The following CRYZ variants were observed in gnomAD, a reference collection of about 807,000 sequenced individuals.
CRYZ encodes crystallin zeta, also known as zeta-crystallin.
In CRYZ, 35 loss-of-function variants were observed where a neutral mutation model predicts 34.1. That is an observed-to-expected ratio of 1.03 (90% CI 0.78 to 1.36). The LOEUF (loss-of-function observed/expected upper bound fraction) is 1.36, where lower values mean the gene tolerates loss of function less well. Ranked by LOEUF, CRYZ falls within the 40% of genes most tolerant of loss-of-function variation. The pLI is 0.00. For synonymous variants in CRYZ, 137 were observed against 136.5 expected, an observed-to-expected ratio of 1.00 and a Z score of -0.03; for missense variants, 403 against 391.8, an observed-to-expected ratio of 1.03 and a Z score of -0.24.
chr1:74,715,891 T>G (rs2100706332), intron 4 of CRYZ, among the ~76,000 whole-genome samples: 1 of 151,046 alleles, frequency 6.6e-6, no homozygotes, highest in East Asian at 1.9e-4. Context: ...CCAACATTAC[T>G]CTGTTACAGA....
intron 3 of CRYZ, among the ~76,000 whole-genome samples, chr1:74,719,828 A>G: frequency 6.6e-6 from 1 of 152,228 alleles, no homozygotes; most frequent in East Asian, 1.9e-4. Context: ...ATTTAAAAAT[A>G]TTTATTAATG....
intron 1 of CRYZ, among the ~76,000 whole-genome samples, chr1:74,730,601 A>T (rs1010449201): frequency 1.3e-5 from 2 of 152,240 alleles, no homozygotes; most frequent in Non-Finnish European, 2.9e-5. Flanking sequence ...ATGCAGAAGT[A>T]AAAATAAAAT....
chr1:74,727,762 G>T (rs115495683), intron 1 of CRYZ, among the ~76,000 whole-genome samples: 1,550 of 151,862 alleles, frequency 0.01, 39 homozygotes, highest in African/African-American at 0.035. Context: ...CCCATGACAC[G>T]TGGGAATTAT....
At chr1:74,732,332 C>A (rs1171024054) in intron 1 of CRYZ, among the ~76,000 whole-genome samples, 1 of 142,468 alleles carries the variant, frequency 7.0e-6, no homozygotes, top group Non-Finnish European at 1.5e-5. Context: ...TAGGAGAAAT[C>A]CCCTACAGCT....
At chr1:74,724,202 T>C (rs1035007096) in intron 2 of CRYZ, among the ~76,000 whole-genome samples, 11 of 152,190 alleles carry the variant, frequency 7.2e-5, no homozygotes, top group African/African-American at 9.6e-5. Context: ...AAGACTCTCA[T>C]AGGCTTGCTA....
Position 74,710,121 on chromosome 1 carries a change from CT to C in CRYZ, c.606del (p.Val203Ter). 1 of 1,613,410 alleles carries C rather than the reference CT, an allele frequency of 6.2e-7. No homozygotes were observed. Among genetic ancestry groups the C allele is most frequent in the Non-Finnish European group, 8.5e-7 (1 of 1,179,582 alleles). ...NGAHEVFNHREVNYIDKIKKY... is the reference protein window; with the variant it reads ...NGAHEVFNHRXVNYIDKIKKY... ...ACCTTAATTTTATCAATGTAATTCACTTCTCTGTGATTGAACACTTCATGGG... is the reference window on the plus strand; with the variant it reads ...ACCTTAATTTTATCAATGTAATTCACTCTCTGTGATTGAACACTTCATGGG... On this transcript the variant is annotated frameshift_variant, in exon 6 of 9. Transcript: ENST00000340866. LOFTEE classifies it high-confidence loss of function.
chr1:74,727,644 CAA>C (rs1169467605), intron 1 of CRYZ, among the ~76,000 whole-genome samples: 1 of 48,696 alleles, frequency 2.1e-5, no homozygotes, highest in Admixed American at 3.0e-4. Context: ...GACTCTGTCT[CAA>C]AAAAAAAAAA....
At chr1:74,709,310 G>T (rs1380944962) in intron 6 of CRYZ, among the ~76,000 whole-genome samples, 1 of 152,018 alleles carries the variant, frequency 6.6e-6, no homozygotes, top group African/African-American at 2.4e-5. Context: ...TTTCATCTTT[G>T]TGAATATTCT....
intron 5 of CRYZ, 89 bp from the exon 6 acceptor site, chr1:74,710,336 G>A: frequency 1.6e-6 from 2 of 1,260,090 alleles, no homozygotes; most frequent in Non-Finnish European, 2.2e-6. Context: ...ATTCCTATAG[G>A]ACCCACCCTA....
intron 3 of CRYZ, among the ~76,000 whole-genome samples, chr1:74,720,530 A>G (rs1647145357): frequency 6.6e-6 from 1 of 152,198 alleles, no homozygotes; most frequent in East Asian, 1.9e-4. Context: ...TTTAGAAAAA[A>G]GTAGATATTC....
chr1:74,730,047 T>G (rs1647624766), intron 1 of CRYZ, among the ~76,000 whole-genome samples: 1 of 152,124 alleles, frequency 6.6e-6, no homozygotes, highest in South Asian at 2.1e-4. Context: ...ACATATTTCT[T>G]TCACTCACAT....
chr1:74,724,982 C>T (rs139125156), intron 1 of CRYZ, 148 bp from the exon 2 acceptor site: 23 of 547,794 alleles, frequency 4.2e-5, no homozygotes, highest in African/African-American at 2.7e-4. Flanking sequence ...TGTTTAAGGA[C>T]CTTTCATCTT....
chr1:74,718,539 CTT>C (rs1647107994), intron 4 of CRYZ, among the ~76,000 whole-genome samples: 2 of 152,134 alleles, frequency 1.3e-5, no homozygotes, highest in African/African-American at 2.4e-5. Flanking sequence ...CTTCGCTACT[CTT>C]TCTCTTGAAA....
Position 74,724,729 on chromosome 1 carries a change from C to A in CRYZ, c.93G>T (p.Pro31=). 2 of 1,606,892 alleles carry A rather than the reference C, an allele frequency of 1.2e-6. No homozygotes were observed. Among genetic ancestry groups the A allele is most frequent in the Admixed American group, 1.7e-5 (1 of 58,894 alleles). The change falls in exon 2 of 9, where the codon CCG becomes CCT. Residue 31 remains proline (P), a synonymous_variant. Coordinates refer to ENST00000340866, the MANE Select transcript of CRYZ (RefSeq NM_001889.4). ...VLKLRSDIAV[P]IPKDHQVLIK... is the part of the protein sequence containing the mutation. ...TTTCTACCTGATGGTCTTTTGGAAT[C>A]GGTACTGCAATATCTGATCGCAATT...
intron 4 of CRYZ, among the ~76,000 whole-genome samples, chr1:74,715,046 T>A (rs527418583): frequency 3.9e-4 from 60 of 152,204 alleles, no homozygotes; most frequent in African/African-American, 1.3e-3. Flanking sequence ...TGGTCTAGAG[T>A]AATGTCCAAG....
chr1:74,718,657 C>G (rs72970004), intron 4 of CRYZ, among the ~76,000 whole-genome samples: 4 of 152,020 alleles, frequency 2.6e-5, no homozygotes, highest in Non-Finnish European at 4.4e-5. Context: ...TTCTAGTTAC[C>G]CTTCCTGAGG....
chr1:74,720,161 C>G (rs1022837743), intron 3 of CRYZ, among the ~76,000 whole-genome samples: 1 of 151,998 alleles, frequency 6.6e-6, no homozygotes, highest in African/African-American at 2.4e-5. Flanking sequence ...GTCCAAAATG[C>G]TAGGGAGAAG....
chr1:74,717,162 T>C (rs967863646), intron 4 of CRYZ, among the ~76,000 whole-genome samples: 1 of 152,180 alleles, frequency 6.6e-6, no homozygotes, highest in Non-Finnish European at 1.5e-5. Context: ...ACCTATGTCC[T>C]AAGTCCTTTC....
chr1:74,718,092 CCT>C (rs770955961), intron 4 of CRYZ, among the ~76,000 whole-genome samples: 1 of 152,042 alleles, frequency 6.6e-6, no homozygotes, highest in Non-Finnish European at 1.5e-5. Context: ...AAACTTTTTC[CCT>C]CTTTTCTTTG....
Sources: allele counts gnomAD v4.1 joint callset (sites outside exome capture counted in the v4.1 genomes callset), GRCh38; gene constraint gnomAD v4.1.1; transcripts MANE v1.5; gene names NCBI Gene and HGNC (gene_info 2026-07-23, HGNC 2026-07-21).